Variants in THSD7B observed in about 807,000 individuals in gnomAD.
THSD7B encodes thrombospondin type-1 domain-containing protein 7B.
In THSD7B, 138 loss-of-function variants were observed where a neutral mutation model predicts 213.6. The ratio of observed to expected loss-of-function variants is 0.65; its 90% confidence interval spans 0.56 to 0.74. The LOEUF is 0.74. Among genes scored for constraint, THSD7B ranks in the 30% least tolerant of loss-of-function variants. The pLI is 0.00. For missense variants in THSD7B, 1,931 were observed against 1,991.5 expected (o/e 0.97, Z 0.58); for synonymous variants, 742 against 687.0 (o/e 1.08, Z -1.25).
chr2:137,418,527 ATATCT>A (rs1328174515), intron 14 of THSD7B, among the ~76,000 whole-genome samples: 1 of 152,174 alleles, frequency 6.6e-6, no homozygotes, highest in African/African-American at 2.4e-5. Context: ...ATCACCTTAA[ATATCT>A]TTTCTTTATG....
At chr2:136,881,965 A>T (rs1683632075) in intron 1 of THSD7B, among the ~76,000 whole-genome samples, 179 bp from the exon 2 acceptor site, 1 of 152,212 alleles carries the variant, frequency 6.6e-6, no homozygotes, top group Non-Finnish European at 1.5e-5. Context: ...AAAACATGGT[A>T]AAAACAGAAT....
chr2:137,404,682 G>A (rs183853368), intron 12 of THSD7B, among the ~76,000 whole-genome samples: 1 of 151,008 alleles, frequency 6.6e-6, no homozygotes, highest in East Asian at 1.9e-4. Flanking sequence ...ACCATAAAAA[G>A]GAATGAATTA....
At chr2:136,928,453 A>G (rs967504509) in intron 2 of THSD7B, among the ~76,000 whole-genome samples, 2 of 152,102 alleles carry the variant, frequency 1.3e-5, no homozygotes, top group South Asian at 2.1e-4. Flanking sequence ...AGCCTAACCC[A>G]CTGCATCCTG....
At chr2:136,919,852 G>A (rs1480046611) in intron 2 of THSD7B, among the ~76,000 whole-genome samples, 1 of 152,206 alleles carries the variant, frequency 6.6e-6, no homozygotes, top group African/African-American at 2.4e-5. Flanking sequence ...GCTGTGGCAG[G>A]GCGGGCAGCT....
chr2:136,911,713 C>T (rs1461357140), intron 2 of THSD7B, among the ~76,000 whole-genome samples: 2 of 152,196 alleles, frequency 1.3e-5, no homozygotes. Flanking sequence ...CTAGTCTCTG[C>T]ATTTTGAGAA....
intron 3 of THSD7B, among the ~76,000 whole-genome samples, chr2:137,072,233 C>A (rs1050670995): frequency 6.6e-6 from 1 of 152,130 alleles, no homozygotes; most frequent in Non-Finnish European, 1.5e-5. Context: ...TTCTTCCTAC[C>A]CATGAGCATG....
intron 12 of THSD7B, among the ~76,000 whole-genome samples, chr2:137,305,399 G>C (rs1184506938): frequency 6.6e-6 from 1 of 152,126 alleles, no homozygotes; most frequent in East Asian, 1.9e-4. Context: ...CAGTCAGGAA[G>C]AGAATGTCAC....
chr2:137,463,763 G>T (rs1323055075), intron 15 of THSD7B, among the ~76,000 whole-genome samples: 1 of 152,000 alleles, frequency 6.6e-6, no homozygotes, highest in Non-Finnish European at 1.5e-5. Flanking sequence ...TATGAGGTGA[G>T]GTGAGTGCAT....
chr2:137,460,604 A>G (rs1397740243), intron 15 of THSD7B, among the ~76,000 whole-genome samples: 1 of 152,094 alleles, frequency 6.6e-6, no homozygotes, highest in Non-Finnish European at 1.5e-5. Flanking sequence ...TTTTATTCCT[A>G]AACACCTTAT....
intron 6 of THSD7B, among the ~76,000 whole-genome samples, chr2:137,160,734 C>T (rs755802150): frequency 2.6e-5 from 4 of 152,200 alleles, no homozygotes; most frequent in Admixed American, 6.5e-5. Context: ...AACTATTCTC[C>T]GGACTCAGCC....
intron 14 of THSD7B, among the ~76,000 whole-genome samples, chr2:137,426,926 TA>T (rs1687072525): frequency 6.6e-6 from 1 of 152,086 alleles, no homozygotes; most frequent in South Asian, 2.1e-4. Context: ...AAAATATATT[TA>T]AAAACTACTA....
chr2:137,583,149 G>A (rs1410170653), intron 17 of THSD7B, among the ~76,000 whole-genome samples: 1 of 152,288 alleles, frequency 6.6e-6, no homozygotes, highest in Admixed American at 6.5e-5. Flanking sequence ...CATTTGAGAA[G>A]TGTCTGTTCA....
chr2:137,435,650 T>A (rs895469490), intron 14 of THSD7B, among the ~76,000 whole-genome samples: 14 of 152,230 alleles, frequency 9.2e-5, no homozygotes, highest in Non-Finnish European at 1.8e-4. Context: ...CTCTGTGGAG[T>A]GCCTAATCAA....
chr2:137,507,175 T>G (rs1182454603), intron 15 of THSD7B, among the ~76,000 whole-genome samples: 1 of 152,134 alleles, frequency 6.6e-6, no homozygotes, highest in East Asian at 1.9e-4. Context: ...CAGCTAGCAA[T>G]GGGAGAGAAA....
chr2:137,299,900 A>C (rs1417269940), intron 12 of THSD7B, among the ~76,000 whole-genome samples: 1 of 152,110 alleles, frequency 6.6e-6, no homozygotes, highest in Non-Finnish European at 1.5e-5. Context: ...AATTGCTTTT[A>C]AACCATAAAA....
chr2:136,941,125 G>GA (rs1372863388), intron 2 of THSD7B, among the ~76,000 whole-genome samples: 1 of 152,006 alleles, frequency 6.6e-6, no homozygotes, highest in Non-Finnish European at 1.5e-5. Context: ...CTGTCCTTGT[G>GA]ACAGTTTGCT....
chr2:137,374,175 A>C (rs968625265), intron 12 of THSD7B, among the ~76,000 whole-genome samples: 2 of 152,070 alleles, frequency 1.3e-5, no homozygotes, highest in South Asian at 2.1e-4. Flanking sequence ...GGAGAGAGAG[A>C]GAGCTGGGAA....
At position 137,668,219 on chromosome 2, in the gene THSD7B, A is replaced by G. The variant is rs556012390; in HGVS notation, c.4739+358A>G. On this transcript the variant is annotated intron_variant, in intron 27 of 27. Coordinates refer to ENST00000409968, the MANE Select transcript of THSD7B (RefSeq NM_001316349.2). Reference sequence around the variant, plus strand: ...GATTTAATTAGTCTTAGGTGTGGCCAGGTCATCTGGGTGTTGTAAAGCTTC... The same window carrying G: ...GATTTAATTAGTCTTAGGTGTGGCCGGGTCATCTGGGTGTTGTAAAGCTTC... Among the ~76,000 whole-genome samples the G allele has an allele frequency of 1.8e-3, 277 of 152,290 alleles. 7 individuals carry two copies. The highest frequency in any genetic ancestry group is 5.0e-4 in the Non-Finnish European group (34 of 68,016).
intron 2 of THSD7B, among the ~76,000 whole-genome samples, chr2:136,980,109 C>G (rs1300438831): frequency 1.3e-5 from 2 of 152,150 alleles, no homozygotes; most frequent in Non-Finnish European, 2.9e-5. Context: ...CCAGTGGAAG[C>G]TGCAGAACAG....
Sources: gnomAD v4.1 joint callset for allele counts (sites outside exome capture counted in the v4.1 genomes callset) on GRCh38, gnomAD v4.1.1 for gene constraint, MANE v1.5 for transcripts, NCBI Gene and HGNC (gene_info 2026-07-23, HGNC 2026-07-21) for gene names.